SLC24A2: variants seen among roughly 807,000 people sequenced by gnomAD.
SLC24A2 encodes the protein solute carrier family 24 member 2.
A neutral mutation model predicts 62.0 loss-of-function variants in SLC24A2; 36 were observed. The ratio of observed to expected loss-of-function variants is 0.58; its 90% CI spans 0.44 to 0.77. The LOEUF is 0.77. SLC24A2 is among the 30% of genes least tolerant of loss of function. The probability of loss-of-function intolerance (pLI) is 0.00; values close to 1 mark genes in which losing one functional copy is unlikely to be tolerated. For synonymous variants in SLC24A2, 358 were observed against 294.0 expected (o/e 1.22, Z -2.23); for missense variants, 846 against 817.9 (o/e 1.03, Z -0.42).
At chr9:19,731,516 C>CCGTGTGTGTGTGTGTGTGTGT (rs72153360) in intron 2 of SLC24A2, among the ~76,000 whole-genome samples, 4 of 113,824 alleles carry the variant, frequency 3.5e-5, no homozygotes, top group Non-Finnish European at 8.2e-5. Flanking sequence ...TCTCTCTCTC[C>CCGTGTGTGTGTGTGTGTGTGT]GTGTGTGTGT....
chr9:20,090,758 G>A, the SLC24A2 span, among the ~76,000 whole-genome samples: 11 of 152,240 alleles, frequency 7.2e-5, 1 homozygote, highest in Middle Eastern at 6.8e-3. Flanking sequence ...AGATGAGAAA[G>A]AACTAATGCA....
chr9:19,672,092 T>A (rs1342141073), intron 2 of SLC24A2, among the ~76,000 whole-genome samples: 4 of 146,698 alleles, frequency 2.7e-5, no homozygotes, highest in Non-Finnish European at 5.9e-5. Context: ...AAGAATTCCC[T>A]CTTTCTCTAT....
intron 8 of SLC24A2, among the ~76,000 whole-genome samples, chr9:19,547,339 A>AG (rs1428246720): frequency 6.6e-6 from 1 of 152,154 alleles, no homozygotes; most frequent in Non-Finnish European, 1.5e-5. Context: ...TGGCTCTCAG[A>AG]GGGGGACTGC....
chr9:19,658,930 C>T (rs541221012), intron 2 of SLC24A2, among the ~76,000 whole-genome samples: 41 of 152,290 alleles, frequency 2.7e-4, no homozygotes, highest in African/African-American at 8.7e-4. Context: ...ACGCAACGAA[C>T]GTACACAAGT....
At chr9:19,760,689 C>T (rs1360513666) in intron 2 of SLC24A2, among the ~76,000 whole-genome samples, 1 of 151,944 alleles carries the variant, frequency 6.6e-6, no homozygotes, top group Admixed American at 6.6e-5. Context: ...CTGCAAAGGA[C>T]ATTAAGTCAG....
chr9:19,569,064 T>C (rs1367893239), intron 7 of SLC24A2, among the ~76,000 whole-genome samples: 2 of 152,206 alleles, frequency 1.3e-5, no homozygotes, highest in Non-Finnish European at 2.9e-5. Flanking sequence ...TCATTCCTTT[T>C]CTTTTCCTTT....
chr9:19,947,848 G>GAAAGAAAGAAAGAAAGAAAT, the SLC24A2 span, among the ~76,000 whole-genome samples: 14 of 145,328 alleles, frequency 9.6e-5, no homozygotes, highest in East Asian at 4.1e-4. Flanking sequence ...AAGAAAGAAA[G>GAAAGAAAGAAAGAAAGAAAT]AAATTAGTTC....
intron 8 of SLC24A2, among the ~76,000 whole-genome samples, chr9:19,535,909 T>C (rs984085464): frequency 4.0e-5 from 6 of 151,246 alleles, no homozygotes; most frequent in Admixed American, 2.0e-4. Flanking sequence ...GGGGACAGCA[T>C]TGAATCTATA....
At chr9:19,567,584 T>C (rs531491047) in intron 7 of SLC24A2, among the ~76,000 whole-genome samples, 4 of 151,190 alleles carry the variant, frequency 2.6e-5, no homozygotes, top group South Asian at 4.2e-4. Flanking sequence ...TATGTTCTTA[T>C]AATTTTATCT....
chr9:19,941,613 G>GAGAA, the SLC24A2 span, among the ~76,000 whole-genome samples: 3 of 151,630 alleles, frequency 2.0e-5, no homozygotes, highest in East Asian at 5.8e-4. Flanking sequence ...GAGAGAGAAA[G>GAGAA]AGAGAGTTGT....
chr9:20,241,682 G>A, the SLC24A2 span, among the ~76,000 whole-genome samples: 130 of 152,252 alleles, frequency 8.5e-4, no homozygotes, highest in African/African-American at 3.0e-3. Context: ...TCTGTCCTAG[G>A]AGAGGGGTGT....
At chr9:20,117,196 G>GTAT in the SLC24A2 span, among the ~76,000 whole-genome samples, 1 of 152,106 alleles carries the variant, frequency 6.6e-6, no homozygotes, top group Non-Finnish European at 1.5e-5. Context: ...GGCCAGTGGG[G>GTAT]TATTAGCAGA....
chr9:19,548,560 C>T (rs1410798113), intron 8 of SLC24A2, among the ~76,000 whole-genome samples: 1 of 152,198 alleles, frequency 6.6e-6, no homozygotes, highest in Non-Finnish European at 1.5e-5. Flanking sequence ...GCAAAATGTT[C>T]ATCCTCTTGC....
At chr9:19,735,017 A>C (rs549329015) in intron 2 of SLC24A2, among the ~76,000 whole-genome samples, 62 of 152,186 alleles carry the variant, frequency 4.1e-4, no homozygotes, top group Admixed American at 1.3e-3. Flanking sequence ...AATGGGATCT[A>C]ATTAAACTAA....
chr9:19,826,074 C>T, the SLC24A2 span, among the ~76,000 whole-genome samples: 1 of 151,210 alleles, frequency 6.6e-6, no homozygotes, highest in South Asian at 2.1e-4. Flanking sequence ...AAACAAAATG[C>T]CTGCTCTGAA....
At chr9:20,234,220 T>G in the SLC24A2 span, among the ~76,000 whole-genome samples, 1 of 152,154 alleles carries the variant, frequency 6.6e-6, no homozygotes, top group Admixed American at 6.5e-5. Context: ...GTTGCTCTTC[T>G]CGAGGAGTAT....
At chr9:20,031,977 G>C in the SLC24A2 span, among the ~76,000 whole-genome samples, 1 of 152,200 alleles carries the variant, frequency 6.6e-6, no homozygotes, top group Non-Finnish European at 1.5e-5. Flanking sequence ...ACCTAGAGTT[G>C]AGAGGGACAC....
chr9:20,079,923 C>T, the SLC24A2 span, among the ~76,000 whole-genome samples: 84 of 152,176 alleles, frequency 5.5e-4, 1 homozygote, highest in African/African-American at 1.9e-3. Flanking sequence ...TTACAAGGGA[C>T]ATGAAGGACC....
chr9:19,636,871 G>A (rs1014633541), intron 2 of SLC24A2, among the ~76,000 whole-genome samples: 2 of 151,966 alleles, frequency 1.3e-5, no homozygotes, highest in East Asian at 1.9e-4. Flanking sequence ...AACTTCCATC[G>A]GAGTCTTAAA....
Sources: allele counts gnomAD v4.1 joint callset (sites outside exome capture counted in the v4.1 genomes callset), GRCh38; gene constraint gnomAD v4.1.1; transcripts MANE v1.5; gene names NCBI Gene and HGNC (gene_info 2026-07-23, HGNC 2026-07-21).